Variants in CWF19L2 observed in about 807,000 individuals in gnomAD.
CWF19L2 encodes the protein CWF19-like protein 2.
CWF19L2 carries 98 observed loss-of-function variants against 111.7 expected under a neutral mutation model. The observed-to-expected ratio is 0.88, with a 90% CI of 0.75 to 1.04. The LOEUF (loss-of-function observed/expected upper bound fraction) is 1.04. Among genes scored for constraint, CWF19L2 ranks in the 50% least tolerant of loss-of-function variants. The probability of loss-of-function intolerance (pLI) is 0.00; values close to 1 mark genes in which losing one functional copy is unlikely to be tolerated. For missense variants in CWF19L2, 1,101 were observed against 1,051.4 expected (o/e 1.05, Z -0.65); for synonymous variants, 351 against 342.9 (o/e 1.02, Z -0.26).
At chr11:107,453,813 C>T (rs1302196020) in intron 3 of CWF19L2, among the ~76,000 whole-genome samples, 1 of 151,920 alleles carries the variant, frequency 6.6e-6, no homozygotes, top group East Asian at 1.9e-4. Flanking sequence ...AAGGGTGAGT[C>T]CCAGGCCGGG....
At chr11:107,394,871 G>A (rs1207143486) in intron 10 of CWF19L2, among the ~76,000 whole-genome samples, 1 of 152,080 alleles carries the variant, frequency 6.6e-6, no homozygotes, top group Non-Finnish European at 1.5e-5. Context: ...ATATAATCAT[G>A]CTATTCTTTG....
At chr11:107,439,463 G>C (rs1325300696) in intron 5 of CWF19L2, among the ~76,000 whole-genome samples, 1 of 152,086 alleles carries the variant, frequency 6.6e-6, no homozygotes, top group Non-Finnish European at 1.5e-5. Flanking sequence ...GTTCAGTATG[G>C]AACACAGACA....
At position 107,429,025 on chromosome 11, in the gene CWF19L2, T is replaced by C. The variant is rs369813284; in HGVS notation, c.1207A>G (p.Ser403Gly). The change falls in exon 8 of 18, where the codon AGT (serine) becomes GGT (glycine). Residue 403 changes from serine (S) to glycine (G), a missense_variant. Ser to Gly is a moderately conservative substitution (Grantham distance 56). Coordinates refer to ENST00000282251, the MANE Select transcript of CWF19L2 (RefSeq NM_152434.3). Reference protein sequence around the residue: ...SALVAQGSLCSGFRKPTKNSE... With the variant: ...SALVAQGSLCGGFRKPTKNSE... ...TTCTTGGTGGGTTTTCTAAAACCAC[T>C]ACACAAAGAGCCCTGAGCTACCAAT... 1 of 1,613,836 alleles carries C rather than the reference T, an allele frequency of 6.2e-7. No homozygotes were observed. The highest frequency in any genetic ancestry group is 8.5e-7 in the Non-Finnish European group (1 of 1,179,784).
intron 6 of CWF19L2, 145 bp from the exon 7 acceptor site, chr11:107,433,894 A>G (rs1310476581): frequency 1.1e-5 from 1 of 93,096 alleles, no homozygotes; most frequent in Non-Finnish European, 2.5e-5. Flanking sequence ...ATATATATAT[A>G]TATATATATA....
intron 8 of CWF19L2, among the ~76,000 whole-genome samples, chr11:107,422,141 C>A (rs547181101): frequency 1.3e-5 from 2 of 152,150 alleles, no homozygotes; most frequent in South Asian, 2.1e-4. Context: ...CCATTTACAT[C>A]GAACTCTAGA....
intron 8 of CWF19L2, among the ~76,000 whole-genome samples, chr11:107,424,842 A>G (rs632910): frequency 0.17 from 26,228 of 151,860 alleles, 2,447 homozygotes; most frequent in Middle Eastern, 0.27. Flanking sequence ...ATGTAACAGT[A>G]ATAGGTGTCA....
chr11:107,393,143 T>C (rs893241750), intron 10 of CWF19L2, among the ~76,000 whole-genome samples: 2 of 152,106 alleles, frequency 1.3e-5, no homozygotes, highest in African/African-American at 4.8e-5. Flanking sequence ...AAATTTCAAA[T>C]AAAATTTTCA....
chr11:107,326,713 C>A lies in CWF19L2; in HGVS notation c.*197G>T. The A allele has an allele frequency of 2.3e-6, 1 of 434,116 alleles. No homozygotes were observed. The highest frequency in any genetic ancestry group is 3.5e-5 in the East Asian group (1 of 28,534). The allele number at this position is 434,116 out of a possible 1,614,324, so 26.9% of individuals were successfully genotyped here. On this transcript the variant is annotated 3_prime_UTR_variant, in exon 18 of 18. Coordinates refer to ENST00000282251, the MANE Select transcript of CWF19L2 (RefSeq NM_152434.3). ...AATATATGTTTTTACTCCATGGTGA[C>A]TAAAATGAAGTCCATAGATAGGAGC...
chr11:107,448,925 C>T (rs185503355), intron 3 of CWF19L2, among the ~76,000 whole-genome samples: 1 of 151,436 alleles, frequency 6.6e-6, no homozygotes, highest in Admixed American at 6.6e-5. Flanking sequence ...TATAGCAGCC[C>T]AAATGAACTA....
rs371332622 is a variant in CWF19L2 at position 107,350,238 on chromosome 11, G to A, written c.2086-1185C>T. 3.3e-5 allele frequency among the ~76,000 whole-genome samples: 5 copies of A among 152,160 alleles called. No individual in the cohort carries two copies. In the East Asian group the frequency reaches 5.8e-4, roughly 18 times the overall value. On this transcript the variant is annotated intron_variant, in intron 13 of 17. Coordinates refer to ENST00000282251, the MANE Select transcript of CWF19L2 (RefSeq NM_152434.3). ...CTGAGGGCCAATTACATGCTGGGCAGTGTTCTACATGCTAGGGAATCAACA... is the reference window on the plus strand; with the variant it reads ...CTGAGGGCCAATTACATGCTGGGCAATGTTCTACATGCTAGGGAATCAACA...
At chr11:107,412,264 T>G (rs1042567027) in intron 10 of CWF19L2, among the ~76,000 whole-genome samples, 8 of 152,202 alleles carry the variant, frequency 5.3e-5, no homozygotes, top group Admixed American at 3.9e-4. Flanking sequence ...TTAAGAATCT[T>G]TGAGGTTTCT....
intron 13 of CWF19L2, among the ~76,000 whole-genome samples, chr11:107,351,647 A>G (rs1235907026): frequency 1.3e-5 from 2 of 152,214 alleles, no homozygotes; most frequent in Non-Finnish European, 2.9e-5. Flanking sequence ...TAGATTGCAT[A>G]AAGGCATCCA....
intron 14 of CWF19L2, among the ~76,000 whole-genome samples, chr11:107,339,777 C>T (rs1323968795): frequency 6.6e-6 from 1 of 151,388 alleles, no homozygotes; most frequent in African/African-American, 2.4e-5. Flanking sequence ...GTGATTCTCC[C>T]GCCTTGGCCC....
At chr11:107,383,782 T>C (rs555570) in intron 12 of CWF19L2, among the ~76,000 whole-genome samples, 55,408 of 151,926 alleles carry the variant, frequency 0.36, 11,770 homozygotes, top group African/African-American at 0.58. Context: ...AAAAGTAAAA[T>C]ACACATCAAC....
At chr11:107,400,800 G>A (rs1226816156) in intron 10 of CWF19L2, among the ~76,000 whole-genome samples, 1 of 152,120 alleles carries the variant, frequency 6.6e-6, no homozygotes, top group African/African-American at 2.4e-5. Context: ...GATGAACACA[G>A]ATGTTAAAAT....
rs759669331 is a variant in CWF19L2 at position 107,433,671 on chromosome 11, C to CT, written c.742dup (p.Ser248LysfsTer2). 3 of 1,587,354 alleles carry CT rather than the reference C, an allele frequency of 1.9e-6. No individual in the cohort carries two copies. The African/African-American group carries it at 4.1e-5, about 22-fold the overall frequency. Reference sequence around the variant, plus strand: ...GGCTACAATGTCCTCAAAGTTTCTACTTTGTTTCTCAGCTTGTTCCTTCAT... The same window carrying CT: ...GGCTACAATGTCCTCAAAGTTTCTACTTTTGTTTCTCAGCTTGTTCCTTCAT... On this transcript the variant is annotated frameshift_variant, in exon 7 of 18. Transcript: ENST00000282251. LOFTEE classifies it high-confidence loss of function.
At chr11:107,383,007 C>T (rs75968742) in intron 12 of CWF19L2, among the ~76,000 whole-genome samples, 1,968 of 152,368 alleles carry the variant, frequency 0.013, 24 homozygotes, top group Middle Eastern at 0.037. Context: ...GGGTGGCACT[C>T]CCAGGGATGG....
At chr11:107,451,853 C>CA (rs1861782526) in intron 3 of CWF19L2, among the ~76,000 whole-genome samples, 1 of 151,904 alleles carries the variant, frequency 6.6e-6, no homozygotes, top group African/African-American at 2.4e-5. Context: ...CTTATAGATG[C>CA]AAAAAAAGCA....
chr11:107,454,695 C>A (rs1211646233), intron 2 of CWF19L2, 123 bp from the exon 3 acceptor site: 2 of 530,562 alleles, frequency 3.8e-6, no homozygotes, highest in East Asian at 3.7e-5. Flanking sequence ...GAAATAAGAC[C>A]AAGAATATGT....
Sources: allele counts gnomAD v4.1 joint callset (sites outside exome capture counted in the v4.1 genomes callset), GRCh38; gene constraint gnomAD v4.1.1; transcripts MANE v1.5; gene names NCBI Gene and HGNC (gene_info 2026-07-23, HGNC 2026-07-21).